SLCO1B1: variants seen among roughly 807,000 people sequenced by gnomAD.
SLCO1B1 encodes the protein OATP-2.
A neutral mutation model predicts 70.1 loss-of-function variants in SLCO1B1; 81 were observed. The observed-to-expected ratio is 1.16, with a 90% confidence interval of 0.97 to 1.39. SLCO1B1 has a LOEUF of 1.39. Ranked by LOEUF, SLCO1B1 falls within the 40% of genes most tolerant of loss-of-function variation. The probability of loss-of-function intolerance (pLI) is 0.00; values close to 1 mark genes in which losing one functional copy is unlikely to be tolerated. For missense variants in SLCO1B1, 895 were observed against 799.6 expected (o/e 1.12, Z -1.44); for synonymous variants, 283 against 271.5 (o/e 1.04, Z -0.42).
intron 1 of SLCO1B1, among the ~76,000 whole-genome samples, chr12:21,132,343 A>G (rs1940149574): frequency 6.6e-6 from 1 of 152,178 alleles, no homozygotes; most frequent in Non-Finnish European, 1.5e-5. Flanking sequence ...TCCCTTGGGT[A>G]TATATCCACT....
At chr12:21,165,759 G>T (rs1470258854) in intron 2 of SLCO1B1, among the ~76,000 whole-genome samples, 1 of 152,098 alleles carries the variant, frequency 6.6e-6, no homozygotes, top group East Asian at 1.9e-4. Context: ...AGAGAAGTTA[G>T]CTGTTTGCAG....
chr12:21,225,493 A>T (rs1941473366), intron 14 of SLCO1B1, among the ~76,000 whole-genome samples: 1 of 152,160 alleles, frequency 6.6e-6, no homozygotes, highest in South Asian at 2.1e-4. Flanking sequence ...AACTACATGT[A>T]TTAAAACTCA....
At chr12:21,192,326 G>A (rs1941039248) in intron 7 of SLCO1B1, among the ~76,000 whole-genome samples, 1 of 151,474 alleles carries the variant, frequency 6.6e-6, no homozygotes, top group African/African-American at 2.4e-5. Context: ...TATTTTCTGT[G>A]TTTTATGTCT....
intron 1 of SLCO1B1, among the ~76,000 whole-genome samples, chr12:21,138,455 G>A (rs1197536121): frequency 3.9e-5 from 6 of 152,266 alleles, no homozygotes; most frequent in East Asian, 1.9e-4. Context: ...TATGTTAAAT[G>A]TCAAGGTGAA....
chr12:21,194,686 T>C (rs1941071544), intron 7 of SLCO1B1, among the ~76,000 whole-genome samples: 1 of 152,182 alleles, frequency 6.6e-6, no homozygotes, highest in Non-Finnish European at 1.5e-5. Context: ...AAGTCCACAT[T>C]TTCAGGTATC....
At chr12:21,213,643 A>G (rs1191770625) in intron 11 of SLCO1B1, among the ~76,000 whole-genome samples, 4 of 135,474 alleles carry the variant, frequency 3.0e-5, no homozygotes, top group African/African-American at 5.5e-5. Flanking sequence ...TCTCCTGGAT[A>G]ATATCCTGCA....
At chr12:21,215,515 C>T (rs1941347398) in intron 11 of SLCO1B1, among the ~76,000 whole-genome samples, 1 of 152,158 alleles carries the variant, frequency 6.6e-6, no homozygotes, top group Admixed American at 6.5e-5. Context: ...CCTTACATCT[C>T]AAAAATAAAG....
intron 11 of SLCO1B1, among the ~76,000 whole-genome samples, chr12:21,208,198 C>G (rs535937777): frequency 1.6e-4 from 25 of 152,002 alleles, no homozygotes; most frequent in Non-Finnish European, 3.7e-4. Flanking sequence ...AACTTAGTCA[C>G]AAATTTTTTG....
intron 1 of SLCO1B1, among the ~76,000 whole-genome samples, chr12:21,134,702 C>T (rs929678501): frequency 3.9e-5 from 6 of 152,050 alleles, no homozygotes; most frequent in African/African-American, 1.4e-4. Flanking sequence ...TTTTTTATTG[C>T]ATCTATTTGA....
At chr12:21,202,214 T>A (rs1283157712) in intron 9 of SLCO1B1, among the ~76,000 whole-genome samples, 1 of 151,486 alleles carries the variant, frequency 6.6e-6, no homozygotes, top group Non-Finnish European at 1.5e-5. Context: ...TGTTGAGGGG[T>A]GGGAAGCAAG....
chr12:21,168,255 C>T (rs999167827), intron 2 of SLCO1B1, among the ~76,000 whole-genome samples: 1 of 152,162 alleles, frequency 6.6e-6, no homozygotes, highest in East Asian at 1.9e-4. Flanking sequence ...TTTAAGTCTG[C>T]ATAATATTCC....
chr12:21,203,692 T>C (rs12318652), intron 10 of SLCO1B1, among the ~76,000 whole-genome samples: 1,764 of 152,236 alleles, frequency 0.012, 43 homozygotes, highest in South Asian at 0.039. Context: ...CTATCCACCA[T>C]CAACTACTGT....
intron 4 of SLCO1B1, among the ~76,000 whole-genome samples, chr12:21,175,946 C>T (rs1202593155): frequency 6.6e-6 from 1 of 152,092 alleles, no homozygotes; most frequent in African/African-American, 2.4e-5. Flanking sequence ...ACTTTTGCAC[C>T]TGGTATTTCT....
intron 11 of SLCO1B1, among the ~76,000 whole-genome samples, chr12:21,213,944 G>T (rs912638476): frequency 6.7e-6 from 1 of 149,084 alleles, no homozygotes. Context: ...CTCTGTATTG[G>T]TTATTCTAGT....
At position 21,202,703 on chromosome 12, in the gene SLCO1B1, A is replaced by C; in HGVS notation, c.1331+17A>C. 1 of 1,570,130 alleles carries C rather than the reference A, an allele frequency of 6.4e-7. No homozygotes were observed. On this transcript the variant is annotated intron_variant, in intron 10 of 14. Coordinates refer to ENST00000256958, the MANE Select transcript of SLCO1B1 (RefSeq NM_006446.5). ...CTATGATGGGTTTGTATATATCACTATATCAATTGCATAATATGTTAACCA... is the reference window on the plus strand; with the variant it reads ...CTATGATGGGTTTGTATATATCACTCTATCAATTGCATAATATGTTAACCA...
At chr12:21,232,651 C>T (rs1941551128) in intron 14 of SLCO1B1, among the ~76,000 whole-genome samples, 1 of 152,052 alleles carries the variant, frequency 6.6e-6, no homozygotes, top group Non-Finnish European at 1.5e-5. Context: ...TAAGACTAGT[C>T]TCAAAAATTC....
intron 1 of SLCO1B1, among the ~76,000 whole-genome samples, chr12:21,131,971 A>T (rs1054533529): frequency 3.3e-5 from 5 of 152,012 alleles, no homozygotes; most frequent in Admixed American, 2.0e-4. Context: ...ATATCTCCTA[A>T]TGCTATCCCT....
intron 7 of SLCO1B1, among the ~76,000 whole-genome samples, chr12:21,193,945 G>A (rs775666517): frequency 1.1e-4 from 17 of 151,908 alleles, no homozygotes; most frequent in Non-Finnish European, 2.2e-4. Context: ...TGCCCACCAC[G>A]ATGCCTGGCT....
chr12:21,171,041 G>A (rs183626493), intron 2 of SLCO1B1, among the ~76,000 whole-genome samples: 1 of 152,312 alleles, frequency 6.6e-6, no homozygotes, highest in African/African-American at 2.4e-5. Context: ...ACTTGATGGG[G>A]CTAATATTCT....
Sources: allele counts gnomAD v4.1 joint callset (sites outside exome capture counted in the v4.1 genomes callset), GRCh38; gene constraint gnomAD v4.1.1; transcripts MANE v1.5; gene names NCBI Gene and HGNC (gene_info 2026-07-23, HGNC 2026-07-21).